The following NRG3 variants were observed in gnomAD, a reference collection of about 807,000 sequenced individuals.
NRG3 encodes the protein pro-neuregulin-3, membrane-bound isoform.
Under a neutral mutation model 66.9 loss-of-function variants are expected in NRG3, and 31 were observed. That is an observed-to-expected ratio of 0.46 (90% CI 0.35 to 0.63). NRG3 has a LOEUF of 0.63. Ranked by LOEUF, NRG3 falls within the 20% of genes least tolerant of loss-of-function variation. The pLI is 0.00. For missense variants in NRG3, 910 were observed against 878.9 expected (o/e 1.04, Z -0.45); for synonymous variants, 393 against 359.4 (o/e 1.09, Z -1.06).
At chr10:82,239,702 C>T (rs997943585) in intron 1 of NRG3, among the ~76,000 whole-genome samples, 11 of 152,126 alleles carry the variant, frequency 7.2e-5, no homozygotes, top group Non-Finnish European at 1.5e-4. Context: ...TTCTTCACTT[C>T]CTCCAAGTCA....
At chr10:82,395,128 T>C (rs1020774653) in intron 2 of NRG3, among the ~76,000 whole-genome samples, 19 of 152,198 alleles carry the variant, frequency 1.2e-4, no homozygotes, top group African/African-American at 4.6e-4. Context: ...GTATGCCAGA[T>C]AGCTGCTGCC....
chr10:82,808,694 TA>T (rs1049080428), intron 3 of NRG3, among the ~76,000 whole-genome samples: 4 of 152,212 alleles, frequency 2.6e-5, no homozygotes, highest in Non-Finnish European at 5.9e-5. Flanking sequence ...CTTCATGTTT[TA>T]AATCAAACCC....
intron 2 of NRG3, among the ~76,000 whole-genome samples, chr10:82,537,187 ATAT>A (rs1306382111): frequency 6.6e-6 from 1 of 152,022 alleles, no homozygotes; most frequent in Non-Finnish European, 1.5e-5. Flanking sequence ...TAAATATAAA[ATAT>A]TATTATTTTT....
At chr10:82,059,218 G>A (rs1473496190) in intron 1 of NRG3, among the ~76,000 whole-genome samples, 1 of 152,186 alleles carries the variant, frequency 6.6e-6, no homozygotes, top group Non-Finnish European at 1.5e-5. Context: ...TGTATTTTTT[G>A]AACAACATCT....
intron 1 of NRG3, among the ~76,000 whole-genome samples, chr10:82,097,340 G>A (rs972407103): frequency 1.1e-4 from 16 of 146,384 alleles, no homozygotes; most frequent in African/African-American, 3.5e-4. Flanking sequence ...ATTGAAAGAC[G>A]TTTATGTTAT....
chr10:82,522,525 AG>A (rs1846293159), intron 2 of NRG3, among the ~76,000 whole-genome samples: 1 of 152,198 alleles, frequency 6.6e-6, no homozygotes, highest in South Asian at 2.1e-4. Context: ...TAATTTTAAA[AG>A]TTCGAAATAT....
At chr10:82,313,958 A>T (rs1394670019) in intron 1 of NRG3, among the ~76,000 whole-genome samples, 1 of 152,174 alleles carries the variant, frequency 6.6e-6, no homozygotes, top group Non-Finnish European at 1.5e-5. Context: ...GTCTTCTATT[A>T]AAAAAGAAGT....
At chr10:82,208,535 A>G (rs2075240911) in intron 1 of NRG3, among the ~76,000 whole-genome samples, 1 of 152,140 alleles carries the variant, frequency 6.6e-6, no homozygotes, top group Non-Finnish European at 1.5e-5. Flanking sequence ...AGAAGCATAC[A>G]AAGAGCATCC....
chr10:82,131,436 A>G (rs567668404), intron 1 of NRG3, among the ~76,000 whole-genome samples: 3 of 152,226 alleles, frequency 2.0e-5, no homozygotes, highest in South Asian at 4.1e-4. Flanking sequence ...TTGGGTTACA[A>G]TAGCTCTGTA....
intron 3 of NRG3, among the ~76,000 whole-genome samples, chr10:82,745,082 G>A (rs1591388326): frequency 6.6e-6 from 1 of 152,086 alleles, no homozygotes; most frequent in African/African-American, 2.4e-5. Context: ...CGAAAGACAT[G>A]ATTGCTAAGG....
intron 4 of NRG3, among the ~76,000 whole-genome samples, chr10:82,901,028 T>C (rs752841618): frequency 4.6e-5 from 7 of 152,166 alleles, no homozygotes; most frequent in Non-Finnish European, 1.0e-4. Flanking sequence ...CGAAATTTAA[T>C]AGGAGTTAGT....
chr10:82,762,380 A>T (rs1292558490), intron 3 of NRG3, among the ~76,000 whole-genome samples: 1 of 152,224 alleles, frequency 6.6e-6, no homozygotes, highest in East Asian at 1.9e-4. Flanking sequence ...AATTAAAAAT[A>T]CTTGAAAAGT....
intron 3 of NRG3, among the ~76,000 whole-genome samples, chr10:82,828,752 GCTAT>G (rs1446429993): frequency 6.6e-5 from 10 of 152,266 alleles, no homozygotes; most frequent in African/African-American, 2.4e-4. Context: ...GTTGGGAGTG[GCTAT>G]CTGAGAAGAA....
intron 1 of NRG3, among the ~76,000 whole-genome samples, chr10:82,096,038 G>A (rs546094362): frequency 8.5e-5 from 13 of 152,282 alleles, no homozygotes; most frequent in Admixed American, 7.2e-4. Context: ...GCATTGGCAA[G>A]ACGAAAAGGA....
At chr10:82,169,772 C>G (rs1212752825) in intron 1 of NRG3, among the ~76,000 whole-genome samples, 1 of 151,408 alleles carries the variant, frequency 6.6e-6, no homozygotes, top group African/African-American at 2.4e-5. Context: ...TGTGTAGTTT[C>G]TTCTAAGTTT....
intron 2 of NRG3, among the ~76,000 whole-genome samples, chr10:82,484,853 C>T (rs758193326): frequency 7.2e-5 from 11 of 152,010 alleles, no homozygotes; most frequent in African/African-American, 2.7e-4. Context: ...CTCTAATCTC[C>T]GTAAAGAGAA....
Position 82,789,714 on chromosome 10 carries a change from C to T in NRG3, c.1027+51064C>T, listed in dbSNP as rs565179490. ...TTGACAAGTCAGGATTTACTTCTGC[C>T]TCTTTGCTCTTTGTTTTCAGGCATT... On this transcript the variant is annotated intron_variant, in intron 3 of 8. Coordinates refer to ENST00000372141, the MANE Select transcript of NRG3 (RefSeq NM_001010848.4). Among the ~76,000 whole-genome samples the T allele has an allele frequency of 5.9e-5, 9 of 152,032 alleles. No homozygotes were observed. The East Asian group carries it at 1.7e-3, about 29-fold the overall frequency.
intron 2 of NRG3, among the ~76,000 whole-genome samples, chr10:82,464,983 TG>T (rs2132001126): frequency 6.6e-6 from 1 of 152,318 alleles, no homozygotes; most frequent in East Asian, 1.9e-4. Flanking sequence ...TGCCGAGGGC[TG>T]CCTGCATTGA....
At chr10:82,343,597 C>T (rs1029243413) in intron 1 of NRG3, among the ~76,000 whole-genome samples, 2 of 152,102 alleles carry the variant, frequency 1.3e-5, no homozygotes, top group African/African-American at 2.4e-5. Flanking sequence ...CAATCCTAAA[C>T]AACCAGAACA....
Sources: gnomAD v4.1 joint callset for allele counts (sites outside exome capture counted in the v4.1 genomes callset) on GRCh38, gnomAD v4.1.1 for gene constraint, MANE v1.5 for transcripts, NCBI Gene and HGNC (gene_info 2026-07-23, HGNC 2026-07-21) for gene names.